Variants in PIK3C2G observed in about 807,000 individuals in gnomAD.
PIK3C2G encodes phosphatidylinositol 3-kinase C2 domain-containing subunit gamma.
Under a neutral mutation model 181.1 loss-of-function variants are expected in PIK3C2G, and 168 were observed. The ratio of observed to expected loss-of-function variants is 0.93; its 90% CI spans 0.82 to 1.05. The LOEUF (loss-of-function observed/expected upper bound fraction) is 1.05. PIK3C2G is among the 50% of genes least tolerant of loss of function. PIK3C2G has a pLI of 0.00. For synonymous variants in PIK3C2G, 573 were observed against 592.2 expected, an observed-to-expected ratio of 0.97 and a Z score of 0.47; for missense variants, 1,869 against 1,732.8, an observed-to-expected ratio of 1.08 and a Z score of -1.40.
intron 9 of PIK3C2G, among the ~76,000 whole-genome samples, chr12:18,341,790 G>C (rs1224898627): frequency 6.6e-6 from 1 of 152,192 alleles, no homozygotes; most frequent in South Asian, 2.1e-4. Context: ...GACAAATACA[G>C]GTCTTCTGCC....
chr12:18,671,649 A>T, the PIK3C2G span, among the ~76,000 whole-genome samples: 1 of 150,428 alleles, frequency 6.6e-6, no homozygotes, highest in Admixed American at 6.6e-5. Context: ...TATTGGATAT[A>T]AAAAAAAATT....
chr12:18,644,967 A>G (rs1950039179), intron 32 of PIK3C2G, among the ~76,000 whole-genome samples: 1 of 152,198 alleles, frequency 6.6e-6, no homozygotes, highest in Non-Finnish European at 1.5e-5. Context: ...TGTTCAGTAA[A>G]TTCTTGGAAT....
At chr12:18,689,785 G>A in the PIK3C2G span, among the ~76,000 whole-genome samples, 1 of 152,278 alleles carries the variant, frequency 6.6e-6, no homozygotes, top group East Asian at 1.9e-4. Flanking sequence ...GTGACGAAGA[G>A]TAAAGCAGCA....
intron 29 of PIK3C2G, among the ~76,000 whole-genome samples, chr12:18,592,048 G>A (rs1284793626): frequency 6.6e-6 from 1 of 151,752 alleles, no homozygotes; most frequent in Non-Finnish European, 1.5e-5. Context: ...TTGAGGTGAA[G>A]GAAAGGAAAA....
chr12:18,471,993 C>G (rs1415746951), intron 18 of PIK3C2G, among the ~76,000 whole-genome samples: 18 of 152,064 alleles, frequency 1.2e-4, no homozygotes, highest in Admixed American at 1.2e-3. Context: ...GAATGGAATA[C>G]TCTTAGTAGG....
rs187364502 is a variant in PIK3C2G, at chr12:18,452,553, T to C, written c.2504+28514T>C. The stretch of plus-strand genomic sequence containing the variant: ...ATTGATTTTTTTGGAGGGTTTCTTG[T>C]GTCTCTATCTCCTTCAGTTCTGATC... On this transcript the variant is annotated intron_variant, in intron 18 of 32. Coordinates refer to ENST00000538779, the MANE Select transcript of PIK3C2G (RefSeq NM_001288772.2). 2.0e-5 allele frequency among the ~76,000 whole-genome samples: 3 copies of C among 152,300 alleles called. No individual in the cohort carries two copies. The East Asian group carries it at 5.8e-4, about 29-fold the overall frequency.
At chr12:18,555,834 TA>T (rs1216710954) in intron 26 of PIK3C2G, among the ~76,000 whole-genome samples, 1 of 152,150 alleles carries the variant, frequency 6.6e-6, no homozygotes, top group African/African-American at 2.4e-5. Flanking sequence ...GAGCAAAGAC[TA>T]AGGAATCAGA....
Position 18,380,201 on chromosome 12 carries a change from C to T in PIK3C2G, c.1881-1565C>T, listed in dbSNP as rs541550685. Among the ~76,000 whole-genome samples, 3 of 152,302 alleles carry T rather than the reference C, an allele frequency of 2.0e-5. No individual in the cohort carries two copies. In the East Asian group the frequency reaches 5.8e-4, roughly 30 times the overall value. ...GGGACGCCTATGTCCGCCGTGCTTA[C>T]TCAGGTCCTTCTTTCTCTGCCTTCT... On this transcript the variant is annotated intron_variant, in intron 13 of 32. Transcript: ENST00000538779.
At chr12:18,336,697 T>C (rs553799137) in intron 8 of PIK3C2G, among the ~76,000 whole-genome samples, 1 of 151,158 alleles carries the variant, frequency 6.6e-6, no homozygotes, top group East Asian at 1.9e-4. Context: ...GCGGATGTAT[T>C]TTTTAATCCA....
At chr12:18,629,525 A>G (rs1422577629) in intron 31 of PIK3C2G, among the ~76,000 whole-genome samples, 1 of 152,324 alleles carries the variant, frequency 6.6e-6, no homozygotes, top group Non-Finnish European at 1.5e-5. Context: ...GATGGTGACT[A>G]AGGATTAATT....
At chr12:18,560,361 G>A (rs1394798485) in intron 26 of PIK3C2G, among the ~76,000 whole-genome samples, 1 of 151,810 alleles carries the variant, frequency 6.6e-6, no homozygotes, top group Non-Finnish European at 1.5e-5. Flanking sequence ...CCACCAAAAA[G>A]ATAAACTGTA....
intron 2 of PIK3C2G, among the ~76,000 whole-genome samples, chr12:18,286,097 T>C (rs972380509): frequency 1.3e-5 from 2 of 152,022 alleles, no homozygotes; most frequent in African/African-American, 4.8e-5. Context: ...CATTTCGTAA[T>C]GCTAAAATGG....
At chr12:18,679,346 T>C in the PIK3C2G span, among the ~76,000 whole-genome samples, 1 of 152,072 alleles carries the variant, frequency 6.6e-6, no homozygotes, top group African/African-American at 2.4e-5. Context: ...ATGCATTTAA[T>C]GTTTCAAGAA....
chr12:18,631,111 G>T (rs895262960), intron 31 of PIK3C2G, among the ~76,000 whole-genome samples: 1 of 152,142 alleles, frequency 6.6e-6, no homozygotes, highest in African/African-American at 2.4e-5. Flanking sequence ...TATTGATGAG[G>T]AGACAGCTAG....
At chr12:18,710,232 C>T in the PIK3C2G span, among the ~76,000 whole-genome samples, 1 of 149,732 alleles carries the variant, frequency 6.7e-6, no homozygotes, top group Non-Finnish European at 1.5e-5. Context: ...TTCATCCTTG[C>T]AAGGCCTTTG....
At chr12:18,664,140 G>A in the PIK3C2G span, among the ~76,000 whole-genome samples, 2 of 152,194 alleles carry the variant, frequency 1.3e-5, no homozygotes, top group African/African-American at 2.4e-5. Flanking sequence ...GGGTCAGGAT[G>A]TGGAAGAATT....
intron 5 of PIK3C2G, among the ~76,000 whole-genome samples, chr12:18,310,483 T>G (rs1052508931): frequency 2.0e-5 from 3 of 151,946 alleles, no homozygotes; most frequent in Non-Finnish European, 4.4e-5. Context: ...TAAAAGAATC[T>G]GGAGCTAATA....
At chr12:18,468,641 A>G (rs932637781) in intron 18 of PIK3C2G, among the ~76,000 whole-genome samples, 8 of 152,028 alleles carry the variant, frequency 5.3e-5, no homozygotes. Context: ...TTGACTCTAA[A>G]TACCACATTG....
chr12:18,394,421 T>G (rs1354323642), intron 15 of PIK3C2G, among the ~76,000 whole-genome samples: 2 of 152,030 alleles, frequency 1.3e-5, no homozygotes, highest in African/African-American at 2.4e-5. Context: ...TAGCATACAG[T>G]CAGTAACTAG....
Sources: gnomAD v4.1 joint callset for allele counts (sites outside exome capture counted in the v4.1 genomes callset) on GRCh38, gnomAD v4.1.1 for gene constraint, MANE v1.5 for transcripts, NCBI Gene and HGNC (gene_info 2026-07-23, HGNC 2026-07-21) for gene names.